COL14A1: variants seen among roughly 807,000 people sequenced by gnomAD.
COL14A1 encodes the protein collagen alpha-1(XIV) chain.
A neutral mutation model predicts 230.3 loss-of-function variants in COL14A1; 136 were observed. That is an observed-to-expected ratio of 0.59 (90% CI 0.51 to 0.68). The LOEUF (loss-of-function observed/expected upper bound fraction) is 0.68, where lower values mean the gene tolerates loss of function less well. Among genes scored for constraint, COL14A1 ranks in the 30% least tolerant of loss-of-function variants. The pLI is 0.00. For missense variants in COL14A1, 1,976 were observed against 2,215.8 expected, an observed-to-expected ratio of 0.89 and a Z score of 2.17; for synonymous variants, 792 against 784.1, an observed-to-expected ratio of 1.01 and a Z score of -0.17.
chr8:120,202,995 T>TTTCAA (rs1817302449), intron 8 of COL14A1, among the ~76,000 whole-genome samples: 1 of 78,516 alleles, frequency 1.3e-5, no homozygotes, highest in Non-Finnish European at 2.6e-5. Flanking sequence ...TTCAAATATA[T>TTTCAA]ATATATATAT....
chr8:120,332,103 G>A, intron 40 of COL14A1, 38 bp from the exon 41 acceptor site: 1 of 1,603,974 alleles, frequency 6.2e-7, no homozygotes, highest in Non-Finnish European at 8.5e-7. Context: ...GCCATATAAA[G>A]CAACCACTTG....
At chr8:120,198,050 C>A in intron 7 of COL14A1, 120 bp downstream of exon 7, 1 of 961,730 alleles carries the variant, frequency 1.0e-6, no homozygotes, top group Non-Finnish European at 1.5e-6. Context: ...ACTTAGGATT[C>A]TTTGATGGCT....
chr8:120,340,728 T>TA, intron 42 of COL14A1, among the ~76,000 whole-genome samples: 1 of 152,246 alleles, frequency 6.6e-6, no homozygotes, highest in South Asian at 2.1e-4. Flanking sequence ...AGCCACATAA[T>TA]AAAATAATAA....
intron 1 of COL14A1, among the ~76,000 whole-genome samples, chr8:120,146,528 T>G (rs1815094557): frequency 6.6e-6 from 1 of 152,100 alleles, no homozygotes; most frequent in African/African-American, 2.4e-5. Flanking sequence ...CTTTATTGTT[T>G]TATCACCAAA....
intron 14 of COL14A1, 141 bp from the exon 15 acceptor site, chr8:120,224,947 A>G: frequency 1.5e-6 from 1 of 681,866 alleles, no homozygotes; most frequent in Non-Finnish European, 2.3e-6. Flanking sequence ...ATGTTCATAC[A>G]TAAACTGGTT....
rs542188945 is a variant in COL14A1 at position 120,163,492 on chromosome 8, G to A, written c.349+923G>A. 1.4e-3 allele frequency among the ~76,000 whole-genome samples: 215 copies of A among 152,262 alleles called. 2 individuals are homozygous for A. Among genetic ancestry groups the A allele is most frequent in the South Asian group, 0.012 (56 of 4,826 alleles). On this transcript the variant is annotated intron_variant, in intron 4 of 47. Transcript: ENST00000297848. ...AAAATGGTCCACACAGGCTGGGTGC[G>A]TTGACTCATGCCTGTAATCCCAGCA...
At chr8:120,370,815 G>A in intron 47 of COL14A1, 2 of 1,365,554 alleles carry the variant, frequency 1.5e-6, no homozygotes, top group African/African-American at 1.5e-5. Context: ...CTCTTCCCTG[G>A]TGATGGACTT....
chr8:120,249,951 A>G (rs923543087), intron 21 of COL14A1, among the ~76,000 whole-genome samples: 1 of 152,224 alleles, frequency 6.6e-6, no homozygotes, highest in Non-Finnish European at 1.5e-5. Context: ...CTCTTAAAGA[A>G]TGAGCATGCA....
At chr8:120,214,917 C>G (rs1817706211) in intron 13 of COL14A1, among the ~76,000 whole-genome samples, 1 of 152,148 alleles carries the variant, frequency 6.6e-6, no homozygotes, top group East Asian at 1.9e-4. Context: ...ATGCGTATAT[C>G]TAGGGGAAGA....
intron 9 of COL14A1, 126 bp from the exon 10 acceptor site, chr8:120,206,817 T>C: frequency 1.1e-6 from 1 of 921,498 alleles, no homozygotes. Context: ...CTGAATCAAC[T>C]TATCTAAAGA....
At chr8:120,198,181 A>G (rs1817109399) in intron 7 of COL14A1, among the ~76,000 whole-genome samples, 2 of 152,180 alleles carry the variant, frequency 1.3e-5, no homozygotes, top group East Asian at 3.9e-4. Flanking sequence ...CCTGAGACCA[A>G]CAGAGTGGAG....
chr8:120,297,961 C>G (rs1820578179), intron 35 of COL14A1, among the ~76,000 whole-genome samples: 1 of 151,970 alleles, frequency 6.6e-6, no homozygotes. Context: ...CCTAACAACT[C>G]AGTAGCCATA....
chr8:120,185,637 C>T (rs1203419773), intron 5 of COL14A1, among the ~76,000 whole-genome samples: 3 of 152,078 alleles, frequency 2.0e-5, no homozygotes, highest in Non-Finnish European at 2.9e-5. Flanking sequence ...GCACTCCAGC[C>T]TGGGTAACAG....
intron 40 of COL14A1, among the ~76,000 whole-genome samples, chr8:120,320,216 G>A (rs1299013675): frequency 6.6e-6 from 1 of 152,084 alleles, no homozygotes; most frequent in Non-Finnish European, 1.5e-5. Flanking sequence ...TTCATATAAA[G>A]CATTTCTCTA....
At chr8:120,200,934 G>A (rs185823931) in intron 8 of COL14A1, among the ~76,000 whole-genome samples, 1 of 150,948 alleles carries the variant, frequency 6.6e-6, no homozygotes, top group East Asian at 1.9e-4. Flanking sequence ...GTTCCCAGAG[G>A]TTCAGGTTGT....
intron 40 of COL14A1, among the ~76,000 whole-genome samples, chr8:120,328,970 T>C (rs1233931521): frequency 2.0e-5 from 3 of 152,128 alleles, no homozygotes; most frequent in Non-Finnish European, 4.4e-5. Flanking sequence ...CTCTGTGGGC[T>C]CACGCATAGG....
chr8:120,201,648 G>T (rs756562550), intron 8 of COL14A1, among the ~76,000 whole-genome samples: 1 of 152,042 alleles, frequency 6.6e-6, no homozygotes, highest in Admixed American at 6.6e-5. Flanking sequence ...AAATTTAACA[G>T]TACATCTTTT....
chr8:120,271,801 A>T (rs1167699375), intron 26 of COL14A1, among the ~76,000 whole-genome samples: 2 of 151,604 alleles, frequency 1.3e-5, no homozygotes, highest in Non-Finnish European at 3.0e-5. Context: ...GTTGAGTATT[A>T]TCATAAATGC....
chr8:120,280,473 C>T (rs1035377757), intron 29 of COL14A1, among the ~76,000 whole-genome samples: 2 of 152,222 alleles, frequency 1.3e-5, no homozygotes, highest in Admixed American at 1.3e-4. Context: ...CAGGTGATAA[C>T]CACTGATTTT....
Sources: allele counts gnomAD v4.1 joint callset (sites outside exome capture counted in the v4.1 genomes callset), GRCh38; gene constraint gnomAD v4.1.1; transcripts MANE v1.5; gene names NCBI Gene and HGNC (gene_info 2026-07-23, HGNC 2026-07-21).